Variants in CD96 observed in about 807,000 individuals in gnomAD.
CD96 encodes CD96 molecule, also known as T-cell surface protein tactile.
CD96 carries 70 observed loss-of-function variants against 71.3 expected under a neutral mutation model. The observed-to-expected ratio is 0.98, with a 90% CI of 0.81 to 1.20. The LOEUF (loss-of-function observed/expected upper bound fraction) is 1.20. Ranked by LOEUF, CD96 falls within the 50% of genes most tolerant of loss-of-function variation. The pLI is 0.00. For missense variants in CD96, 742 were observed against 677.5 expected (o/e 1.10, Z -1.06); for synonymous variants, 248 against 233.0 (o/e 1.06, Z -0.59).
chr3:111,589,628 A>T (rs1024979651), intron 5 of CD96, among the ~76,000 whole-genome samples: 3 of 152,212 alleles, frequency 2.0e-5, no homozygotes, highest in African/African-American at 7.2e-5. Context: ...GTCCTTTCAC[A>T]TACTTTTATC....
chr3:111,608,850 A>G (rs1394045433), intron 8 of CD96, among the ~76,000 whole-genome samples: 2 of 152,250 alleles, frequency 1.3e-5, no homozygotes, highest in African/African-American at 4.8e-5. Context: ...AAAAAAGATA[A>G]AAATAGATTT....
chr3:111,653,420 C>T (rs556380403), downstream of CD96, among the ~76,000 whole-genome samples: 35 of 152,238 alleles, frequency 2.3e-4, no homozygotes, highest in Non-Finnish European at 2.8e-4. Flanking sequence ...GTGCCTAATG[C>T]GTGCTTTATT....
At chr3:111,577,066 C>T (rs1341732901) in intron 3 of CD96, among the ~76,000 whole-genome samples, 1 of 152,142 alleles carries the variant, frequency 6.6e-6, no homozygotes, top group Non-Finnish European at 1.5e-5. Context: ...AAAAAAGCAA[C>T]CTTTGGATAA....
chr3:111,646,995 A>G (rs1939858111), intron 12 of CD96, among the ~76,000 whole-genome samples: 1 of 151,262 alleles, frequency 6.6e-6, no homozygotes, highest in South Asian at 2.1e-4. Context: ...TGTTCTCACT[A>G]TTAAGTGGGA....
At chr3:111,648,334 T>A (rs940015809) in intron 13 of CD96, among the ~76,000 whole-genome samples, 2 of 152,190 alleles carry the variant, frequency 1.3e-5, no homozygotes, top group Non-Finnish European at 2.9e-5. Context: ...TCCACTTGTC[T>A]TACTACTACT....
intron 10 of CD96, chr3:111,634,286 G>A (rs540858984): frequency 6.6e-6 from 1 of 152,210 alleles, no homozygotes; most frequent in Non-Finnish European, 1.5e-5. Context: ...CCCATCAATA[G>A]TGTCTTTGTT....
chr3:111,595,663 A>T (rs1340006805), intron 5 of CD96, among the ~76,000 whole-genome samples: 1 of 151,970 alleles, frequency 6.6e-6, no homozygotes, highest in Non-Finnish European at 1.5e-5. Flanking sequence ...TGAAGGAGGA[A>T]GAGTGGGAAA....
chr3:111,599,782 G>A (rs1288299216), intron 6 of CD96, among the ~76,000 whole-genome samples: 7 of 152,138 alleles, frequency 4.6e-5, no homozygotes, highest in Non-Finnish European at 7.4e-5. Context: ...CATAGGCAAA[G>A]CACCCAGATT....
At chr3:111,573,850 CA>C (rs1437145041) in intron 3 of CD96, among the ~76,000 whole-genome samples, 1 of 149,856 alleles carries the variant, frequency 6.7e-6, no homozygotes, top group Non-Finnish European at 1.5e-5. Context: ...ATTCAGAAAA[CA>C]AAACTGTAAC....
chr3:111,612,218 G>A (rs1190874998), intron 8 of CD96, among the ~76,000 whole-genome samples: 1 of 152,168 alleles, frequency 6.6e-6, no homozygotes, highest in Non-Finnish European at 1.5e-5. Flanking sequence ...ATTTAAAGTG[G>A]TTTAAGTTTG....
chr3:111,648,068 G>A (rs1479982823), intron 13 of CD96, among the ~76,000 whole-genome samples: 1 of 151,384 alleles, frequency 6.6e-6, no homozygotes, highest in Admixed American at 6.6e-5. Flanking sequence ...AGTGAGAAAG[G>A]TAATTTTAAG....
chr3:111,589,127 T>A (rs1263796720), intron 5 of CD96, among the ~76,000 whole-genome samples: 1 of 151,992 alleles, frequency 6.6e-6, no homozygotes, highest in Non-Finnish European at 1.5e-5. Flanking sequence ...ATTTTTTGTA[T>A]TTTTAGTAGA....
At chr3:111,629,769 A>G (rs1309804031) in intron 10 of CD96, among the ~76,000 whole-genome samples, 1 of 152,210 alleles carries the variant, frequency 6.6e-6, no homozygotes, top group African/African-American at 2.4e-5. Context: ...AATCAGAAAC[A>G]AAACACTCCT....
At chr3:111,635,260 G>A (rs1476601676) in intron 10 of CD96, among the ~76,000 whole-genome samples, 1 of 151,908 alleles carries the variant, frequency 6.6e-6, no homozygotes, top group Non-Finnish European at 1.5e-5. Context: ...TCCATCAACG[G>A]GAAACTCCAT....
chr3:111,599,372 T>A (rs567560845), intron 6 of CD96, among the ~76,000 whole-genome samples: 20 of 152,102 alleles, frequency 1.3e-4, no homozygotes, highest in African/African-American at 4.6e-4. Flanking sequence ...AGTTTATTTT[T>A]AAAAAAAATT....
intron 2 of CD96, 40 bp from the exon 3 acceptor site, chr3:111,567,479 CCAAT>C: frequency 1.9e-6 from 3 of 1,564,976 alleles, no homozygotes; most frequent in Non-Finnish European, 2.6e-6. Flanking sequence ...ACTTTACAAA[CCAAT>C]CAGAGATTCA....
chr3:111,661,801 T>G (rs1427651812), intron 14 of CD96, among the ~76,000 whole-genome samples: 1 of 152,252 alleles, frequency 6.6e-6, no homozygotes, highest in Non-Finnish European at 1.5e-5. Flanking sequence ...ATTGAGTGCC[T>G]GCAGTTTTTC....
intron 11 of CD96, 45 bp downstream of exon 11, chr3:111,637,306 G>A: frequency 9.7e-7 from 1 of 1,029,104 alleles, no homozygotes; most frequent in Non-Finnish European, 1.5e-6. Flanking sequence ...CTAGTGGTCA[G>A]CTTTATTTGG....
At chr3:111,641,748 C>T (rs1472440384) in intron 12 of CD96, among the ~76,000 whole-genome samples, 1 of 152,106 alleles carries the variant, frequency 6.6e-6, no homozygotes, top group Non-Finnish European at 1.5e-5. Flanking sequence ...TATGATAGGC[C>T]ATAAAATGAG....
Sources: gnomAD v4.1 joint callset for allele counts (sites outside exome capture counted in the v4.1 genomes callset) on GRCh38, gnomAD v4.1.1 for gene constraint, MANE v1.5 for transcripts, NCBI Gene and HGNC (gene_info 2026-07-23, HGNC 2026-07-21) for gene names.